The following LUZP2 variants were observed in gnomAD, a reference collection of about 807,000 sequenced individuals.
The protein encoded by LUZP2 is leucine zipper protein 2.
In LUZP2, 52 loss-of-function variants were observed where a neutral mutation model predicts 51.6. The ratio of observed to expected loss-of-function variants is 1.01; its 90% CI spans 0.81 to 1.27. The LOEUF (loss-of-function observed/expected upper bound fraction) is 1.27. Among genes scored for constraint, LUZP2 ranks in the 50% most tolerant of loss-of-function variants. LUZP2 has a pLI of 0.00. For synonymous variants in LUZP2, 154 were observed against 137.3 expected (o/e 1.12, Z -0.85); for missense variants, 436 against 395.4 (o/e 1.10, Z -0.87).
chr11:24,756,013 G>A (rs1314989352), intron 4 of LUZP2, among the ~76,000 whole-genome samples: 3 of 152,100 alleles, frequency 2.0e-5, no homozygotes, highest in African/African-American at 7.2e-5. Flanking sequence ...TCTCTGTAGA[G>A]TCAGCTTCTG....
intron 7 of LUZP2, among the ~76,000 whole-genome samples, chr11:24,962,691 T>C (rs1023530683): frequency 5.3e-5 from 8 of 152,230 alleles, no homozygotes; most frequent in African/African-American, 1.9e-4. Flanking sequence ...AGTTTTTAAC[T>C]TCTTTGCCTT....
intron 1 of LUZP2, among the ~76,000 whole-genome samples, chr11:24,503,708 G>T (rs1850069694): frequency 6.6e-6 from 1 of 152,116 alleles, no homozygotes; most frequent in Non-Finnish European, 1.5e-5. Context: ...CTTGCCCAAG[G>T]TCGTAAAGGG....
rs1038826697 is a variant in LUZP2, at chr11:25,080,597, A to G, written c.*1939A>G. 3 of 152,150 alleles carry G rather than the reference A, an allele frequency of 2.0e-5. No homozygotes were observed. Among genetic ancestry groups the G allele is most frequent in the African/African-American group, 4.8e-5 (2 of 41,430 alleles). The allele number at this position is 152,150 out of a possible 1,614,324, so 9.4% of individuals were successfully genotyped here. On this transcript the variant is annotated 3_prime_UTR_variant, in exon 12 of 12. Coordinates refer to ENST00000336930, the MANE Select transcript of LUZP2 (RefSeq NM_001009909.4). ...CTGACTCCTTCATATTTCTAAAAATAATCATACAAACTAGAATACTGCTAG... is the reference window on the plus strand; with the variant it reads ...CTGACTCCTTCATATTTCTAAAAATGATCATACAAACTAGAATACTGCTAG...
chr11:24,898,676 C>T (rs918033172), intron 5 of LUZP2, among the ~76,000 whole-genome samples: 2 of 150,580 alleles, frequency 1.3e-5, no homozygotes, highest in Non-Finnish European at 3.0e-5. Flanking sequence ...CAGAGTGGTG[C>T]GCATATACAT....
chr11:24,547,325 A>G (rs1851585916), intron 1 of LUZP2, among the ~76,000 whole-genome samples: 2 of 152,088 alleles, frequency 1.3e-5, no homozygotes, highest in South Asian at 4.1e-4. Flanking sequence ...CTGTACTACA[A>G]GGCAGCAGTA....
At chr11:25,016,711 T>C (rs1857169873) in intron 9 of LUZP2, among the ~76,000 whole-genome samples, 1 of 152,160 alleles carries the variant, frequency 6.6e-6, no homozygotes, top group Non-Finnish European at 1.5e-5. Context: ...GCTTTGGAAT[T>C]GTAAATTGTG....
intron 5 of LUZP2, among the ~76,000 whole-genome samples, chr11:24,867,901 T>G (rs566384392): frequency 2.0e-5 from 3 of 152,324 alleles, no homozygotes; most frequent in South Asian, 4.1e-4. Flanking sequence ...TCAGTACTGA[T>G]GTAAACATTT....
At chr11:25,064,768 T>C (rs776369247) in intron 10 of LUZP2, among the ~76,000 whole-genome samples, 4 of 152,010 alleles carry the variant, frequency 2.6e-5, no homozygotes, top group Non-Finnish European at 4.4e-5. Flanking sequence ...CTCTCTCTTA[T>C]CCTAGGCACG....
At chr11:24,638,568 G>C (rs1000594719) in intron 1 of LUZP2, among the ~76,000 whole-genome samples, 2 of 151,450 alleles carry the variant, frequency 1.3e-5, no homozygotes, top group African/African-American at 4.9e-5. Context: ...GCTAAAGCAG[G>C]GCTTAGTTGA....
chr11:24,961,365 T>A (rs1448192651), intron 7 of LUZP2, among the ~76,000 whole-genome samples: 1 of 152,228 alleles, frequency 6.6e-6, no homozygotes, highest in East Asian at 1.9e-4. Flanking sequence ...TCTCCCATTA[T>A]TCATGTGTGG....
intron 1 of LUZP2, among the ~76,000 whole-genome samples, chr11:24,693,558 A>G (rs1012198798): frequency 2.0e-5 from 3 of 151,974 alleles, no homozygotes; most frequent in Non-Finnish European, 4.4e-5. Context: ...CACACAAAGA[A>G]AGTTTAAAAC....
At chr11:24,652,654 C>G (rs764210454) in intron 1 of LUZP2, among the ~76,000 whole-genome samples, 2 of 152,020 alleles carry the variant, frequency 1.3e-5, no homozygotes, top group African/African-American at 4.8e-5. Flanking sequence ...GATACCTAAA[C>G]TAAGAGATTT....
chr11:24,535,976 T>C (rs1334325242), intron 1 of LUZP2, among the ~76,000 whole-genome samples: 1 of 151,736 alleles, frequency 6.6e-6, no homozygotes, highest in Non-Finnish European at 1.5e-5. Flanking sequence ...GAACGTTGTG[T>C]TAGCAGACAT....
chr11:24,912,082 T>C lies in LUZP2; in HGVS notation c.460-2394T>C, dbSNP rs367586073. Among the ~76,000 whole-genome samples, 6 of 152,130 alleles carry C rather than the reference T, an allele frequency of 3.9e-5. No individual in the cohort carries two copies. The East Asian group carries it at 9.7e-4, about 25-fold the overall frequency. ...TTATTAACATATCTCACTCTTAACT[T>C]ACCCTTCCTTTCGTTTCCTTTCTTT... On this transcript the variant is annotated intron_variant, in intron 6 of 11. Coordinates refer to ENST00000336930, the MANE Select transcript of LUZP2 (RefSeq NM_001009909.4).
chr11:24,905,362 T>C (rs533626515), intron 5 of LUZP2, among the ~76,000 whole-genome samples: 42 of 152,090 alleles, frequency 2.8e-4, no homozygotes, highest in Middle Eastern at 3.4e-3. Flanking sequence ...TCATCTCTAC[T>C]TAAAATACAA....
At chr11:24,660,456 C>A (rs1855979861) in intron 1 of LUZP2, among the ~76,000 whole-genome samples, 1 of 151,978 alleles carries the variant, frequency 6.6e-6, no homozygotes, top group African/African-American at 2.4e-5. Flanking sequence ...TTGTTTCTAG[C>A]ATTTTTGATG....
At chr11:24,978,373 T>A (rs1855937797) in intron 8 of LUZP2, among the ~76,000 whole-genome samples, 1 of 151,742 alleles carries the variant, frequency 6.6e-6, no homozygotes, top group Admixed American at 6.6e-5. Context: ...GCCACCTTTG[T>A]TTTAGTCCTT....
At chr11:24,646,220 G>A (rs932924915) in intron 1 of LUZP2, among the ~76,000 whole-genome samples, 3 of 152,088 alleles carry the variant, frequency 2.0e-5, no homozygotes, top group Non-Finnish European at 4.4e-5. Flanking sequence ...GAAGCACAGT[G>A]TGCGTGTAAA....
At chr11:24,561,816 T>TATAATA (rs147360262) in intron 1 of LUZP2, among the ~76,000 whole-genome samples, 4 of 120,798 alleles carry the variant, frequency 3.3e-5, no homozygotes, top group African/African-American at 7.8e-5. Context: ...GAACTTAAAG[T>TATAATA]ATAATAATAA....
Sources: allele counts gnomAD v4.1 joint callset (sites outside exome capture counted in the v4.1 genomes callset), GRCh38; gene constraint gnomAD v4.1.1; transcripts MANE v1.5; gene names NCBI Gene and HGNC (gene_info 2026-07-23, HGNC 2026-07-21).